MAP4K3: variants seen among roughly 807,000 people sequenced by gnomAD.
The protein encoded by MAP4K3 is mitogen-activated protein kinase kinase kinase kinase 3, also known as MAPK/ERK kinase kinase kinase 3.
A neutral mutation model predicts 143.5 loss-of-function variants in MAP4K3; 94 were observed. The ratio of observed to expected loss-of-function variants is 0.65; its 90% CI spans 0.55 to 0.78. The LOEUF (loss-of-function observed/expected upper bound fraction) is 0.78, where lower values mean the gene tolerates loss of function less well. Ranked by LOEUF, MAP4K3 falls within the 30% of genes least tolerant of loss-of-function variation. The pLI is 0.00. For missense variants in MAP4K3, 1,077 were observed against 1,068.1 expected (o/e 1.01, Z -0.12); for synonymous variants, 416 against 347.2 (o/e 1.20, Z -2.20).
At chr2:39,328,612 T>C (rs950927635) in intron 8 of MAP4K3, among the ~76,000 whole-genome samples, 6 of 152,172 alleles carry the variant, frequency 3.9e-5, no homozygotes, top group Non-Finnish European at 8.8e-5. Flanking sequence ...ATTTTTTGGA[T>C]AGTGTCAATG....
At chr2:39,428,061 T>C (rs1279665733) in intron 1 of MAP4K3, among the ~76,000 whole-genome samples, 1 of 152,104 alleles carries the variant, frequency 6.6e-6, no homozygotes, top group African/African-American at 2.4e-5. Flanking sequence ...CAACTTATTT[T>C]TCCCTTAAAT....
intron 3 of MAP4K3, 44 bp downstream of exon 3, chr2:39,356,205 G>C: frequency 8.6e-7 from 1 of 1,162,564 alleles, no homozygotes; most frequent in Non-Finnish European, 1.3e-6. Context: ...TGCATTAGGT[G>C]ATGAAATCAT....
chr2:39,413,207 A>C (rs769831018), intron 1 of MAP4K3, among the ~76,000 whole-genome samples: 1 of 152,200 alleles, frequency 6.6e-6, no homozygotes, highest in Non-Finnish European at 1.5e-5. Flanking sequence ...TCAGAAAGAG[A>C]AAAATACATG....
chr2:39,301,190 G>A (rs1682498006), intron 15 of MAP4K3, among the ~76,000 whole-genome samples: 1 of 152,116 alleles, frequency 6.6e-6, no homozygotes, highest in South Asian at 2.1e-4. Flanking sequence ...CTCAAATTTT[G>A]TCTTCTTCAA....
intron 21 of MAP4K3, among the ~76,000 whole-genome samples, chr2:39,283,314 C>T (rs1213058517): frequency 6.6e-6 from 1 of 152,186 alleles, no homozygotes; most frequent in Non-Finnish European, 1.5e-5. Flanking sequence ...ACAGCAATAT[C>T]ACCAAGCTGA....
In MAP4K3 at chr2:39,310,943, C is replaced by T. The variant is rs114297304; in HGVS notation, c.998-1424G>A. ...GGAAAAAGCCCAATAAAGTCTTAAC[C>T]GCTAAAGCTTAATTTGTTAATTCTA... On this transcript the variant is annotated intron_variant, in intron 13 of 33. Transcript: ENST00000263881. 4.6e-3 allele frequency among the ~76,000 whole-genome samples: 706 copies of T among 152,210 alleles called. 13 individuals carry two copies. Among genetic ancestry groups the T allele is most frequent in the African/African-American group, 0.016 (662 of 41,538 alleles).
intron 29 of MAP4K3, among the ~76,000 whole-genome samples, chr2:39,260,201 C>T (rs1680511093): frequency 1.3e-5 from 2 of 152,156 alleles, no homozygotes; most frequent in Admixed American, 1.3e-4. Context: ...GCACCCTCGA[C>T]CTCCTGGGCT....
chr2:39,357,627 A>C (rs1665647784), intron 2 of MAP4K3, among the ~76,000 whole-genome samples: 1 of 152,224 alleles, frequency 6.6e-6, no homozygotes, highest in African/African-American at 2.4e-5. Context: ...AAAATCACAA[A>C]TCTCCAAAGA....
chr2:39,276,219 G>T (rs1186806934), intron 24 of MAP4K3, among the ~76,000 whole-genome samples: 1 of 152,038 alleles, frequency 6.6e-6, no homozygotes, highest in African/African-American at 2.4e-5. Context: ...CATCCCGAAG[G>T]CACCCCAAAC....
chr2:39,332,000 A>T lies in MAP4K3; in HGVS notation c.458-11T>A. On this transcript the variant is annotated splice_polypyrimidine_tract_variant and intron_variant, in intron 7 of 33. Transcript: ENST00000263881. ...ATACTCCAAAATCAGCTATTAAAAA[A>T]AATGAGAAACATTTAGGAAACTGAG... is the stretch of plus-strand genomic sequence containing the variant. 6.7e-7 allele frequency: 1 copy of T among 1,484,136 alleles called. No homozygotes were observed. Among genetic ancestry groups the T allele is most frequent in the Non-Finnish European group, 9.2e-7 (1 of 1,092,494 alleles). 91.9% of individuals were successfully genotyped at this position (1,484,136 alleles called of 1,614,324 possible).
At chr2:39,268,634 ATTTTTTTT>A (rs70954799) in intron 26 of MAP4K3, among the ~76,000 whole-genome samples, 7 of 73,772 alleles carry the variant, frequency 9.5e-5, no homozygotes, top group African/African-American at 3.1e-4. Flanking sequence ...GATTTTTTCT[ATTTTTTTT>A]TTTTTTTTTT....
chr2:39,299,766 A>G lies in MAP4K3; in HGVS notation c.1155T>C (p.Gly385=). Residue 385 remains glycine (G), a synonymous_variant, in exon 16 of 34, where the codon GGT becomes GGC. Coordinates refer to ENST00000263881, the MANE Select transcript of MAP4K3 (RefSeq NM_003618.4). ...ACTTGTTTGCACCTAAAAAGTAACC[A>G]CCTTGGTGTCCTTGTCCATATTCCA... is the stretch of plus-strand genomic sequence containing the variant. The part of the protein sequence containing the change: ...LQLEYGQGHQ[G]GYFLGANKSL... 2.5e-6 allele frequency: 4 copies of G among 1,576,660 alleles called. No homozygotes were observed. Among genetic ancestry groups the G allele is most frequent in the Non-Finnish European group, 3.4e-6 (4 of 1,163,546 alleles).
At chr2:39,308,356 T>A (rs1682793171) in intron 14 of MAP4K3, among the ~76,000 whole-genome samples, 1 of 152,192 alleles carries the variant, frequency 6.6e-6, no homozygotes, top group Non-Finnish European at 1.5e-5. Flanking sequence ...CAGGCTTTGG[T>A]ATTACAATAT....
At chr2:39,427,656 C>T (rs564821358) in intron 1 of MAP4K3, among the ~76,000 whole-genome samples, 1 of 152,168 alleles carries the variant, frequency 6.6e-6, no homozygotes, top group East Asian at 1.9e-4. Context: ...CGGTAACCAC[C>T]AAAAGCATAA....
intron 1 of MAP4K3, among the ~76,000 whole-genome samples, chr2:39,417,923 C>A (rs1224053839): frequency 6.6e-6 from 1 of 151,976 alleles, no homozygotes; most frequent in Non-Finnish European, 1.5e-5. Context: ...AAAATGATGG[C>A]TGGGTGCAGT....
intron 1 of MAP4K3, among the ~76,000 whole-genome samples, chr2:39,385,234 T>C (rs1666464379): frequency 6.6e-6 from 1 of 152,150 alleles, no homozygotes; most frequent in Admixed American, 6.5e-5. Flanking sequence ...ATGGTAGGTA[T>C]ATGTTTAACC....
chr2:39,305,514 G>T (rs983114948), intron 15 of MAP4K3, among the ~76,000 whole-genome samples: 14 of 152,150 alleles, frequency 9.2e-5, no homozygotes, highest in African/African-American at 3.4e-4. Flanking sequence ...ATAATGCCTG[G>T]TATATAAAAA....
intron 21 of MAP4K3, among the ~76,000 whole-genome samples, chr2:39,285,877 G>A (rs181857450): frequency 1.3e-5 from 2 of 152,172 alleles, no homozygotes; most frequent in Non-Finnish European, 2.9e-5. Context: ...GTCTTCCAGT[G>A]ATTGTAAGTC....
intron 13 of MAP4K3, among the ~76,000 whole-genome samples, chr2:39,312,333 G>A (rs1405508767): frequency 1.3e-5 from 2 of 151,970 alleles, no homozygotes; most frequent in African/African-American, 4.8e-5. Flanking sequence ...GATACAAGCA[G>A]AGGAAAAAAT....
Sources: allele counts gnomAD v4.1 joint callset (sites outside exome capture counted in the v4.1 genomes callset), GRCh38; gene constraint gnomAD v4.1.1; transcripts MANE v1.5; gene names NCBI Gene and HGNC (gene_info 2026-07-23, HGNC 2026-07-21).